LRRC4C: variants seen among roughly 807,000 people sequenced by gnomAD.
The protein encoded by LRRC4C is leucine rich repeat containing 4C, also known as leucine-rich repeat-containing protein 4C.
Under a neutral mutation model 33.6 loss-of-function variants are expected in LRRC4C, and 5 were observed. The observed-to-expected ratio is 0.15, with a 90% confidence interval of 0.08 to 0.31. The LOEUF (loss-of-function observed/expected upper bound fraction) is 0.31, where lower values mean the gene tolerates loss of function less well. Among genes scored for constraint, LRRC4C ranks in the 10% least tolerant of loss-of-function variants. The pLI is 1.00. For missense variants in LRRC4C, 560 were observed against 796.7 expected, an observed-to-expected ratio of 0.70 and a Z score of 3.58; for synonymous variants, 329 against 302.0, an observed-to-expected ratio of 1.09 and a Z score of -0.93.
rs147772387 is a variant in LRRC4C at position 40,317,405 on chromosome 11, C to A, written c.-176+2223G>T. 5.3e-3 allele frequency among the ~76,000 whole-genome samples: 811 copies of A among 152,122 alleles called. 2 individuals are homozygous for A. The highest frequency in any genetic ancestry group is 8.5e-3 in the Non-Finnish European group (579 of 67,932). ...TTATACTTTCCACAGGATCTAAGCA[C>A]AACTTAGTATCCAGACTGAAATCTT... On this transcript the variant is annotated intron_variant, in intron 4 of 6. Transcript: ENST00000528697.
At chr11:40,420,119 T>C (rs952336359) in intron 3 of LRRC4C, among the ~76,000 whole-genome samples, 1 of 152,200 alleles carries the variant, frequency 6.6e-6, no homozygotes, top group East Asian at 1.9e-4. Context: ...AATTACAGTT[T>C]GAAAGCAATC....
At chr11:40,663,123 C>T (rs1021195974) in intron 2 of LRRC4C, among the ~76,000 whole-genome samples, 2 of 152,126 alleles carry the variant, frequency 1.3e-5, no homozygotes, top group East Asian at 1.9e-4. Context: ...CTCTGTTGCC[C>T]AGGCCAGAAT....
At chr11:40,240,289 T>C (rs985967934) in intron 5 of LRRC4C, among the ~76,000 whole-genome samples, 1 of 152,212 alleles carries the variant, frequency 6.6e-6, no homozygotes, top group Non-Finnish European at 1.5e-5. Context: ...TAGATCCTTA[T>C]GGTATTCCTG....
intron 2 of LRRC4C, among the ~76,000 whole-genome samples, chr11:40,856,550 G>A (rs1953791813): frequency 6.6e-6 from 1 of 152,126 alleles, no homozygotes; most frequent in Non-Finnish European, 1.5e-5. Context: ...TATTTATGGA[G>A]GAATATCCAC....
chr11:41,348,251 C>A (rs1951862280), intron 1 of LRRC4C, among the ~76,000 whole-genome samples: 1 of 152,138 alleles, frequency 6.6e-6, no homozygotes, highest in Non-Finnish European at 1.5e-5. Flanking sequence ...TGTGCCATCA[C>A]AATGTGTTTA....
chr11:40,777,178 C>A (rs542321012), intron 2 of LRRC4C, among the ~76,000 whole-genome samples: 1 of 152,122 alleles, frequency 6.6e-6, no homozygotes, highest in Non-Finnish European at 1.5e-5. Flanking sequence ...TCCATGTGCA[C>A]GTAAGAATGT....
In LRRC4C at chr11:40,795,862, G is replaced by T. The variant is rs530936176; in HGVS notation, c.-407+137773C>A. Among the ~76,000 whole-genome samples the T allele has an allele frequency of 3.3e-5, 5 of 152,200 alleles. No individual in the cohort carries two copies. In the East Asian group the frequency reaches 7.7e-4, roughly 24 times the overall value. On this transcript the variant is annotated intron_variant, in intron 2 of 6. Transcript: ENST00000528697. ...AAAATCTTTTAACTAGCCCTGTAAC[G>T]CTTTAAGAATTAATAGGGCCACCTC...
intron 1 of LRRC4C, among the ~76,000 whole-genome samples, chr11:40,944,318 T>C (rs1298324149): frequency 6.6e-6 from 1 of 152,164 alleles, no homozygotes; most frequent in Non-Finnish European, 1.5e-5. Context: ...ATCTATCAAT[T>C]GCAAGATTTG....
rs1385749388 is a variant in LRRC4C, at chr11:40,751,937, G to C, written c.-406-103659C>G. Among the ~76,000 whole-genome samples the C allele has an allele frequency of 2.4e-4, 36 of 152,008 alleles. 2 individuals are homozygous for C. The highest frequency in any genetic ancestry group is 2.3e-3 in the Admixed American group (35 of 15,240). ...CAATGGAACAAACAGAGAACCCAGA[G>C]ATAAATCAATGTATTTATAGCCAAT... is the stretch of plus-strand genomic sequence containing the variant. On this transcript the variant is annotated intron_variant, in intron 2 of 6. Coordinates refer to ENST00000528697, the MANE Select transcript of LRRC4C (RefSeq NM_001258419.2).
At chr11:40,442,986 A>T (rs1429188946) in intron 3 of LRRC4C, among the ~76,000 whole-genome samples, 2 of 152,166 alleles carry the variant, frequency 1.3e-5, no homozygotes, top group East Asian at 3.9e-4. Context: ...AAGTGATTCA[A>T]AAACTCTAAT....
intron 2 of LRRC4C, among the ~76,000 whole-genome samples, chr11:40,731,544 G>A (rs1216212494): frequency 6.6e-6 from 1 of 151,976 alleles, no homozygotes; most frequent in Non-Finnish European, 1.5e-5. Flanking sequence ...CCAGTCTCAG[G>A]TATTTCTTTA....
At chr11:40,572,886 C>A (rs187978341) in intron 3 of LRRC4C, among the ~76,000 whole-genome samples, 4 of 152,272 alleles carry the variant, frequency 2.6e-5, no homozygotes, top group Admixed American at 6.5e-5. Context: ...AGTGAGATGA[C>A]AATTGAAAAT....
chr11:40,470,195 C>T (rs118146758), intron 3 of LRRC4C, among the ~76,000 whole-genome samples: 1 of 152,202 alleles, frequency 6.6e-6, no homozygotes, highest in Non-Finnish European at 1.5e-5. Context: ...AAACAGGCAG[C>T]AATGTTTGCT....
rs193229150 is a variant in LRRC4C, at chr11:40,729,698, T to A, written c.-406-81420A>T. Reference sequence around the variant, plus strand: ...TGGTTTCACTTATGGACTTTAAAAATCTCACCACCTCTGAGAATCCCTTCT... The same window carrying A: ...TGGTTTCACTTATGGACTTTAAAAAACTCACCACCTCTGAGAATCCCTTCT... On this transcript the variant is annotated intron_variant, in intron 2 of 6. Transcript: ENST00000528697. Among the ~76,000 whole-genome samples the A allele has an allele frequency of 5.6e-4, 86 of 152,324 alleles. No homozygotes were observed. The Middle Eastern group carries it at 0.01, about 18-fold the overall frequency.
intron 2 of LRRC4C, among the ~76,000 whole-genome samples, chr11:40,843,458 T>C (rs1175034987): frequency 6.6e-6 from 1 of 152,142 alleles, no homozygotes; most frequent in Non-Finnish European, 1.5e-5. Flanking sequence ...TTATCAACAA[T>C]TTTCAAAACA....
chr11:41,301,171 T>C (rs16935577), intron 1 of LRRC4C, among the ~76,000 whole-genome samples: 6,880 of 152,300 alleles, frequency 0.045, 201 homozygotes, highest in South Asian at 0.074. Flanking sequence ...AGTAAGGATA[T>C]GCACCTCTGC....
rs76062074 is a variant in LRRC4C at position 40,443,841 on chromosome 11, A to G, written c.-269-124120T>C. 1.1e-3 allele frequency among the ~76,000 whole-genome samples: 169 copies of G among 152,336 alleles called. 6 individuals carry two copies. In the East Asian group the frequency reaches 0.028, roughly 26 times the overall value. On this transcript the variant is annotated intron_variant, in intron 3 of 6. Coordinates refer to ENST00000528697, the MANE Select transcript of LRRC4C (RefSeq NM_001258419.2). Reference sequence around the variant, plus strand: ...CAGTGACATTCACATTTTGAGAGTTAGCAATCTAAACATCATTAACCACCC... The same window carrying G: ...CAGTGACATTCACATTTTGAGAGTTGGCAATCTAAACATCATTAACCACCC...
chr11:40,544,104 T>G (rs992344727), intron 3 of LRRC4C, among the ~76,000 whole-genome samples: 5 of 152,060 alleles, frequency 3.3e-5, no homozygotes, highest in African/African-American at 1.2e-4. Flanking sequence ...AAATAGATTT[T>G]AAAAACATCT....
At chr11:40,197,882 C>A (rs182621527) in intron 5 of LRRC4C, among the ~76,000 whole-genome samples, 1 of 152,144 alleles carries the variant, frequency 6.6e-6, no homozygotes, top group Admixed American at 6.5e-5. Context: ...TTCACGAAGT[C>A]AGTATTATTA....
Sources: allele counts gnomAD v4.1 joint callset (sites outside exome capture counted in the v4.1 genomes callset), GRCh38; gene constraint gnomAD v4.1.1; transcripts MANE v1.5; gene names NCBI Gene and HGNC (gene_info 2026-07-23, HGNC 2026-07-21).